The following PLAGL1 variants were observed in gnomAD, a reference collection of about 807,000 sequenced individuals.
PLAGL1 encodes the protein PLAG1 like zinc finger 1, also known as zinc finger protein PLAGL1.
In PLAGL1, 1 loss-of-function variant was observed where a neutral mutation model predicts 4.6. The observed-to-expected ratio is 0.22, with a 90% CI of 0.08 to 1.03. PLAGL1 has a LOEUF of 1.03. Among genes scored for constraint, PLAGL1 ranks in the 50% least tolerant of loss-of-function variants. The pLI is 0.58. For synonymous variants in PLAGL1, 240 were observed against 237.8 expected (o/e 1.01, Z -0.08); for missense variants, 464 against 570.4 (o/e 0.81, Z 1.90).
At position 143,982,347 on chromosome 6, in the gene PLAGL1, T is replaced by C. The variant is rs1265576420; in HGVS notation, c.-544+2788A>G. On this transcript the variant is annotated intron_variant, in intron 2 of 7. Transcript: ENST00000674357. The surrounding 1 kb of genome is among the most constrained non-coding windows in gnomAD (Gnocchi z 5.3). Reference sequence around the variant, plus strand: ...TGGGTACAATAATTGCAAAACTCGATGCAGAAACAAGAAAACTGGTATGGC... The same window carrying C: ...TGGGTACAATAATTGCAAAACTCGACGCAGAAACAAGAAAACTGGTATGGC... 1.3e-5 allele frequency among the ~76,000 whole-genome samples: 2 copies of C among 152,084 alleles called. No individual in the cohort carries two copies. The highest frequency in any genetic ancestry group is 2.9e-5 in the Non-Finnish European group (2 of 68,004).
Position 144,048,259 on chromosome 6 carries a change from C to T in PLAGL1, c.-151+16209G>A, listed in dbSNP as rs952942766. Among the ~76,000 whole-genome samples the T allele has an allele frequency of 6.6e-6, 1 of 152,134 alleles. No homozygotes were observed. Among genetic ancestry groups the T allele is most frequent in the Non-Finnish European group, 1.5e-5 (1 of 68,024 alleles). The stretch of plus-strand genomic sequence containing the variant: ...AGTGTTGGTGGCTTTTCCAGGTGCA[C>T]AGTGCAAGCTGTCAGTGGATCTAGC... On this transcript the variant is annotated intron_variant, in intron 1 of 3. Coordinates refer to the PLAGL1 transcript ENST00000437412. The surrounding 1 kb of genome is among the most constrained non-coding windows in gnomAD (Gnocchi z 4.8).
intron 1 of PLAGL1, among the ~76,000 whole-genome samples, chr6:144,030,251 T>A (rs185730703): frequency 8.0e-3 from 367 of 45,872 alleles, no homozygotes; most frequent in African/African-American, 0.038. Context: ...CGAGACTCCG[T>A]CTCAAAAAAA....
chr6:144,035,200 G>A (rs977430516), intron 1 of PLAGL1, among the ~76,000 whole-genome samples: 14 of 152,162 alleles, frequency 9.2e-5, no homozygotes, highest in African/African-American at 3.4e-4. Context: ...ACAATCACAA[G>A]GTGAAGTCAT....
At chr6:143,977,530 G>C (rs1284203511) in intron 2 of PLAGL1, among the ~76,000 whole-genome samples, 1 of 126,850 alleles carries the variant, frequency 7.9e-6, no homozygotes, top group African/African-American at 3.1e-5. Context: ...CTGGGGTGCA[G>C]TAGGGCAATC....
rs1787237861 is a variant in PLAGL1, at chr6:143,978,672, AACACTCTTT to A, written c.-544+6454_-544+6462del. On this transcript the variant is annotated intron_variant, in intron 2 of 7. Transcript: ENST00000674357. The surrounding 1 kb of genome is among the most constrained non-coding windows in gnomAD (Gnocchi z 4.6). ...TAATTTAATTCCATTATGGTCAGTG[AACACTCTTT>A]GTATGATTTAAATCCTTCAGAATTA... 6.6e-6 allele frequency among the ~76,000 whole-genome samples: 1 copy of A among 152,202 alleles called. No individual in the cohort carries two copies. The highest frequency in any genetic ancestry group is 1.5e-5 in the Non-Finnish European group (1 of 68,042).
chr6:143,944,083 C>T (rs957741348), intron 7 of PLAGL1, among the ~76,000 whole-genome samples: 9 of 152,202 alleles, frequency 5.9e-5, no homozygotes, highest in African/African-American at 1.7e-4. Flanking sequence ...GGGGTTTTGT[C>T]ACGAGAGGTT....
chr6:144,019,811 C>G lies in PLAGL1; in HGVS notation c.-151+44657G>C, dbSNP rs183424422. Among the ~76,000 whole-genome samples the G allele has an allele frequency of 4.4e-3, 666 of 150,044 alleles. 4 individuals carry two copies. Among genetic ancestry groups the G allele is most frequent in the African/African-American group, 0.016 (647 of 41,064 alleles). On this transcript the variant is annotated intron_variant, in intron 1 of 3. Transcript: ENST00000437412. ...TACTTAAAAAAAAAAAAAGGAAAAC[C>G]CTCCAGCTCAGATTCAGCCATCTGA...
rs1164927616 is a variant in PLAGL1 at position 143,971,570 on chromosome 6, A to T, written c.-543-2592T>A. Among the ~76,000 whole-genome samples the T allele has an allele frequency of 2.6e-5, 4 of 152,212 alleles. No homozygotes were observed. The highest frequency in any genetic ancestry group is 4.8e-5 in the African/African-American group (2 of 41,462). On this transcript the variant is annotated intron_variant, in intron 2 of 7. Transcript: ENST00000674357. The surrounding 1 kb of genome is among the most constrained non-coding windows in gnomAD (Gnocchi z 4.7). ...GGTTATAAGTTGAGAATAGCTAAGAAATTGGGTTTGTCCCAGTGTTCTGTG... is the reference window on the plus strand; with the variant it reads ...GGTTATAAGTTGAGAATAGCTAAGATATTGGGTTTGTCCCAGTGTTCTGTG...
At chr6:144,007,951 C>G (rs992485487) in intron 1 of PLAGL1, 139 bp downstream of exon 1, 10 of 152,020 alleles carry the variant, frequency 6.6e-5, no homozygotes, top group African/African-American at 2.4e-4. Context: ...CCGCGGAGCC[C>G]GGACCCGCAC....
In PLAGL1 at chr6:143,948,430, G is replaced by A; in HGVS notation, c.-294C>T. The stretch of plus-strand genomic sequence containing the variant: ...CAGAAAGGTAATCTGCATCACTATA[G>A]CTGGGGCATGTCCTGGGTCCCCCGG... On this transcript the variant is annotated 5_prime_UTR_variant, in exon 7 of 8. Transcript: ENST00000674357. The surrounding 1 kb of genome is among the most constrained non-coding windows in gnomAD (Gnocchi z 6.0). The A allele has an allele frequency of 3.1e-6, 1 of 321,972 alleles. No individual in the cohort carries two copies. The highest frequency in any genetic ancestry group is 4.9e-5 in the South Asian group (1 of 20,436). The allele number at this position is 321,972 out of a possible 1,614,324, so 19.9% of individuals were successfully genotyped here.
In PLAGL1 at chr6:144,027,292, A is replaced by AAAGAAAGTAAGT. The variant is rs752733300; in HGVS notation, c.-151+37175_-151+37176insACTTACTTTCTT. Among the ~76,000 whole-genome samples, 3 of 142,490 alleles carry AAAGAAAGTAAGT rather than the reference A, an allele frequency of 2.1e-5. No homozygotes were observed. The highest frequency in any genetic ancestry group is 7.8e-5 in the African/African-American group (3 of 38,256). The allele number at this position is 142,490 out of a possible 152,430, so 93.5% of individuals were successfully genotyped here. Reference sequence around the variant, plus strand: ...GAAAGAAAGAAAGAAAGAAAGAAAGAAAGTTATTTGATCTGAAGTACAATG... The same window carrying AAAGAAAGTAAGT: ...GAAAGAAAGAAAGAAAGAAAGAAAGAAAGAAAGTAAGTAAGTTATTTGATCTGAAGTACAATG... On this transcript the variant is annotated intron_variant, in intron 1 of 3. Coordinates refer to the PLAGL1 transcript ENST00000437412. This position sits in a 1 kb window ranked among gnomAD's most constrained non-coding sequence, Gnocchi z 5.8.
At position 143,964,292 on chromosome 6, in the gene PLAGL1, A is replaced by C. The variant is rs921042647; in HGVS notation, c.-399+495T>G. ...GACAGCTACAAGGATTCAATAAATC[A>C]CTACTTTGATAAACTGAAGGTCAGA... On this transcript the variant is annotated intron_variant, in intron 5 of 7. Coordinates refer to ENST00000674357, the MANE Select transcript of PLAGL1 (RefSeq NM_001317162.2). The surrounding 1 kb of genome is among the most constrained non-coding windows in gnomAD (Gnocchi z 4.3). Among the ~76,000 whole-genome samples the C allele has an allele frequency of 6.6e-6, 1 of 152,152 alleles. No individual in the cohort carries two copies. The highest frequency in any genetic ancestry group is 2.4e-5 in the African/African-American group (1 of 41,424).
rs1288426286 is a variant in PLAGL1 at position 144,048,338 on chromosome 6, C to T, written c.-151+16130G>A. ...CTTCTCACAGCTCCATTAGGCAGTG[C>T]CCCAGTGGGGACTCTGTGTGGGGGC... is the stretch of plus-strand genomic sequence containing the variant. On this transcript the variant is annotated intron_variant, in intron 1 of 3. Coordinates refer to the PLAGL1 transcript ENST00000437412. This position sits in a 1 kb window ranked among gnomAD's most constrained non-coding sequence, Gnocchi z 4.8. 2.0e-5 allele frequency among the ~76,000 whole-genome samples: 3 copies of T among 152,192 alleles called. No homozygotes were observed. The highest frequency in any genetic ancestry group is 7.2e-5 in the African/African-American group (3 of 41,448).
In PLAGL1 at chr6:143,990,292, T is replaced by A. The variant is rs745851457; in HGVS notation, c.-583-5118A>T. ...TGTGCCACCATGCCCAGCTAATTTT[T>A]GTATTTTTATTAGAGACGGGGTTTC... On this transcript the variant is annotated intron_variant, in intron 1 of 7. Transcript: ENST00000674357. The surrounding 1 kb of genome is among the most constrained non-coding windows in gnomAD (Gnocchi z 5.4). Among the ~76,000 whole-genome samples the A allele has an allele frequency of 1.3e-5, 2 of 152,210 alleles. No individual in the cohort carries two copies. The highest frequency in any genetic ancestry group is 2.9e-5 in the Non-Finnish European group (2 of 68,044).
chr6:143,989,781 C>A lies in PLAGL1; in HGVS notation c.-583-4607G>T, dbSNP rs1790042481. On this transcript the variant is annotated intron_variant, in intron 1 of 7. Coordinates refer to ENST00000674357, the MANE Select transcript of PLAGL1 (RefSeq NM_001317162.2). The surrounding 1 kb of genome is among the most constrained non-coding windows in gnomAD (Gnocchi z 4.8). ...AATTCACTTGGGTTCTAGAAACTGCCCAACAATTATGCAACATTTCCCTAA... is the reference window on the plus strand; with the variant it reads ...AATTCACTTGGGTTCTAGAAACTGCACAACAATTATGCAACATTTCCCTAA... Among the ~76,000 whole-genome samples the A allele has an allele frequency of 6.6e-6, 1 of 152,180 alleles. No individual in the cohort carries two copies. The highest frequency in any genetic ancestry group is 6.5e-5 in the Admixed American group (1 of 15,282).
Position 143,942,224 on chromosome 6 carries a change from G to A in PLAGL1, c.592C>T (p.His198Tyr). 1 of 1,614,162 alleles carries A rather than the reference G, an allele frequency of 6.2e-7. No homozygotes were observed. The highest frequency in any genetic ancestry group is 8.5e-7 in the Non-Finnish European group (1 of 1,179,986). ...FCAQRFGRKD[H>Y]LTRHTKKTHS... ...GTCTTCTTGGTATGCCGGGTGAGGTGATCCTTGCGCCCAAATCTCTGGGCA... is the reference window on the plus strand; with the variant it reads ...GTCTTCTTGGTATGCCGGGTGAGGTAATCCTTGCGCCCAAATCTCTGGGCA... Residue 198 changes from histidine to tyrosine, a missense_variant, in exon 8 of 8, where the codon CAC becomes TAC. Physicochemically the swap from His to Tyr is moderately conservative, Grantham distance 83. Transcript: ENST00000674357. This position sits in a 1 kb window ranked among gnomAD's most constrained non-coding sequence, Gnocchi z 7.6.
chr6:144,007,554 G>A (rs1242686012), intron 1 of PLAGL1: 1 of 152,164 alleles, frequency 6.6e-6, no homozygotes, highest in Non-Finnish European at 1.5e-5. Context: ...AGTTGGATGC[G>A]GAGACTAACA....
intron 7 of PLAGL1, among the ~76,000 whole-genome samples, chr6:143,944,625 G>T (rs1779358033): frequency 6.6e-6 from 1 of 152,034 alleles, no homozygotes; most frequent in South Asian, 2.1e-4. Context: ...CACGTTCTAG[G>T]TCTATCTAAA....
At chr6:144,058,539 C>T (rs1799157280) in intron 1 of PLAGL1, among the ~76,000 whole-genome samples, 2 of 152,194 alleles carry the variant, frequency 1.3e-5, no homozygotes, top group Admixed American at 1.3e-4. Context: ...AACATCAAGT[C>T]CAAAGCCCTA....
Sources: gnomAD v4.1 joint callset for allele counts (sites outside exome capture counted in the v4.1 genomes callset) on GRCh38, gnomAD v4.1.1 for gene constraint, Gnocchi (gnomAD v3.1) non-coding constraint, MANE v1.5 for transcripts, NCBI Gene and HGNC (gene_info 2026-07-23, HGNC 2026-07-21) for gene names.